Variants in PTPRK observed in about 807,000 individuals in gnomAD.
The protein encoded by PTPRK is protein tyrosine phosphatase receptor type K.
Under a neutral mutation model 178.0 loss-of-function variants are expected in PTPRK, and 75 were observed. That is an observed-to-expected ratio of 0.42 (90% CI 0.35 to 0.51). PTPRK has a LOEUF of 0.51. Ranked by LOEUF, PTPRK falls within the 20% of genes least tolerant of loss-of-function variation. PTPRK has a pLI of 0.02. For missense variants in PTPRK, 1,441 were observed against 1,797.8 expected, an observed-to-expected ratio of 0.80 and a Z score of 3.59; for synonymous variants, 637 against 620.6, an observed-to-expected ratio of 1.03 and a Z score of -0.39.
At chr6:128,475,818 G>A (rs1011101309) in intron 1 of PTPRK, among the ~76,000 whole-genome samples, 1 of 151,936 alleles carries the variant, frequency 6.6e-6, no homozygotes, top group Non-Finnish European at 1.5e-5. Context: ...TCACTAATGA[G>A]AAAAATATGT....
chr6:128,452,129 C>T (rs947890301), intron 1 of PTPRK, among the ~76,000 whole-genome samples: 1 of 152,176 alleles, frequency 6.6e-6, no homozygotes, highest in African/African-American at 2.4e-5. Flanking sequence ...AAGTCTCCAG[C>T]ACTGTTCTGC....
At position 127,997,424 on chromosome 6, in the gene PTPRK, T is replaced by C. The variant is rs531716662; in HGVS notation, c.2680-436A>G. On this transcript the variant is annotated intron_variant, in intron 16 of 29. Coordinates refer to ENST00000368226, the MANE Select transcript of PTPRK (RefSeq NM_002844.4). ...CTTCCCTCCATAATTATTCATTAAATTGTGTGCAATACATCGCATCTGAGT... is the reference window on the plus strand; with the variant it reads ...CTTCCCTCCATAATTATTCATTAAACTGTGTGCAATACATCGCATCTGAGT... 2.6e-5 allele frequency among the ~76,000 whole-genome samples: 4 copies of C among 152,236 alleles called. No homozygotes were observed. The South Asian group carries it at 8.3e-4, about 32-fold the overall frequency.
intron 1 of PTPRK, among the ~76,000 whole-genome samples, chr6:128,438,819 AG>A (rs1398508287): frequency 6.6e-6 from 1 of 152,212 alleles, no homozygotes; most frequent in Non-Finnish European, 1.5e-5. Flanking sequence ...AATAATGGGC[AG>A]CATTTACAGA....
At chr6:128,222,999 T>C (rs568116329) in intron 5 of PTPRK, among the ~76,000 whole-genome samples, 1 of 152,222 alleles carries the variant, frequency 6.6e-6, no homozygotes, top group South Asian at 2.1e-4. Flanking sequence ...GCTGACAGGG[T>C]CATGGATACT....
At chr6:128,267,718 T>TG (rs1411421967) in intron 3 of PTPRK, among the ~76,000 whole-genome samples, 1 of 152,102 alleles carries the variant, frequency 6.6e-6, no homozygotes, top group Non-Finnish European at 1.5e-5. Context: ...TAACAGTACT[T>TG]GAAATATTGA....
intron 3 of PTPRK, among the ~76,000 whole-genome samples, chr6:128,307,083 A>G (rs1245637141): frequency 6.6e-6 from 1 of 151,570 alleles, no homozygotes; most frequent in African/African-American, 2.4e-5. Context: ...TTTAGATATA[A>G]TTAGTTTAAG....
chr6:128,498,652 C>T (rs1320926528), intron 1 of PTPRK, among the ~76,000 whole-genome samples: 3 of 152,070 alleles, frequency 2.0e-5, no homozygotes, highest in African/African-American at 4.8e-5. Context: ...GGTTATGCCA[C>T]ACTGATACAT....
intron 1 of PTPRK, among the ~76,000 whole-genome samples, chr6:128,428,885 T>C (rs1201001052): frequency 1.3e-5 from 2 of 152,224 alleles, no homozygotes; most frequent in African/African-American, 4.8e-5. Flanking sequence ...CACTTTATTA[T>C]AAATAGGCCT....
chr6:128,264,088 A>G (rs1818589205), intron 3 of PTPRK, among the ~76,000 whole-genome samples: 1 of 152,184 alleles, frequency 6.6e-6, no homozygotes, highest in African/African-American at 2.4e-5. Context: ...CAGCAAAGCT[A>G]AAACATGACA....
rs529053363 is a variant in PTPRK, at chr6:128,274,166, T to C, written c.496-31564A>G. Among the ~76,000 whole-genome samples, 49 of 152,268 alleles carry C rather than the reference T, an allele frequency of 3.2e-4. No homozygotes were observed. The South Asian group carries it at 1.0e-2, about 31-fold the overall frequency. Reference sequence around the variant, plus strand: ...CCAATAGAATAGCAAGTCTAAATAATGACCCACCACTTCAAAGAAACAATA... The same window carrying C: ...CCAATAGAATAGCAAGTCTAAATAACGACCCACCACTTCAAAGAAACAATA... On this transcript the variant is annotated intron_variant, in intron 3 of 29. Transcript: ENST00000368226.
chr6:128,235,426 A>G (rs1426832781), intron 5 of PTPRK: 3 of 256,068 alleles, frequency 1.2e-5, no homozygotes, highest in African/African-American at 2.3e-5. Context: ...AGTATAAATT[A>G]TATGTTATAA....
intron 10 of PTPRK, among the ~76,000 whole-genome samples, chr6:128,081,789 G>T (rs778330402): frequency 6.6e-6 from 1 of 151,972 alleles, no homozygotes; most frequent in African/African-American, 2.4e-5. Context: ...CTCCTTGCAA[G>T]AATTTAATCA....
At chr6:128,381,274 G>T (rs72974028) in intron 2 of PTPRK, among the ~76,000 whole-genome samples, 8,521 of 152,126 alleles carry the variant, frequency 0.056, 279 homozygotes, top group Non-Finnish European at 0.068. Context: ...TAAGACTTGA[G>T]AAATAATAAA....
intron 3 of PTPRK, among the ~76,000 whole-genome samples, chr6:128,308,436 G>C (rs993430964): frequency 6.6e-6 from 1 of 151,332 alleles, no homozygotes; most frequent in Non-Finnish European, 1.5e-5. Context: ...ATTAATAAAA[G>C]AAAATTAAAT....
At chr6:128,483,827 G>A (rs1160840717) in intron 1 of PTPRK, among the ~76,000 whole-genome samples, 1 of 152,112 alleles carries the variant, frequency 6.6e-6, no homozygotes, top group Non-Finnish European at 1.5e-5. Context: ...CTAGGCTAAC[G>A]TGATATGAAA....
At chr6:128,075,990 T>C (rs976313885) in intron 11 of PTPRK, among the ~76,000 whole-genome samples, 2 of 151,930 alleles carry the variant, frequency 1.3e-5, no homozygotes, top group Admixed American at 6.6e-5. Flanking sequence ...TTGGATAATA[T>C]GTAGTTCTGG....
At chr6:128,464,634 T>TATAC (rs1187260110) in intron 1 of PTPRK, among the ~76,000 whole-genome samples, 25 of 40,878 alleles carry the variant, frequency 6.1e-4, no homozygotes, top group South Asian at 1.9e-3. Context: ...TATATATATA[T>TATAC]ACACATATAT....
chr6:128,058,409 G>C (rs1249797575), intron 13 of PTPRK, among the ~76,000 whole-genome samples: 2 of 152,136 alleles, frequency 1.3e-5, no homozygotes, highest in Non-Finnish European at 2.9e-5. Flanking sequence ...TTCCTGTTGA[G>C]CACCATTTCA....
chr6:128,417,567 C>CAT (rs1254878402), intron 1 of PTPRK, among the ~76,000 whole-genome samples: 8 of 152,156 alleles, frequency 5.3e-5, no homozygotes, highest in African/African-American at 1.9e-4. Context: ...AATGTGTTTG[C>CAT]ATATCATTAA....
Sources: allele counts gnomAD v4.1 joint callset (sites outside exome capture counted in the v4.1 genomes callset), GRCh38; gene constraint gnomAD v4.1.1; transcripts MANE v1.5; gene names NCBI Gene and HGNC (gene_info 2026-07-23, HGNC 2026-07-21).